The following CDH9 variants were observed in gnomAD, a reference collection of about 807,000 sequenced individuals.
CDH9 encodes the protein cadherin 9.
In CDH9, 28 loss-of-function variants were observed where a neutral mutation model predicts 70.9. That is an observed-to-expected ratio of 0.40 (90% CI 0.29 to 0.54). The LOEUF is 0.54. CDH9 is among the 20% of genes least tolerant of loss of function. The probability of loss-of-function intolerance (pLI) is 0.59; values close to 1 mark genes in which losing one functional copy is unlikely to be tolerated. For synonymous variants in CDH9, 409 were observed against 343.1 expected, an observed-to-expected ratio of 1.19 and a Z score of -2.12; for missense variants, 874 against 984.4, an observed-to-expected ratio of 0.89 and a Z score of 1.50.
At chr5:27,007,764 A>G (rs747496772) in intron 1 of CDH9, among the ~76,000 whole-genome samples, 13 of 152,144 alleles carry the variant, frequency 8.5e-5, no homozygotes, top group Non-Finnish European at 1.5e-4. Context: ...ATTTCAAACA[A>G]GTAATACACA....
intron 1 of CDH9, among the ~76,000 whole-genome samples, chr5:27,018,179 G>C (rs534344734): frequency 2.0e-5 from 3 of 151,516 alleles, no homozygotes; most frequent in Non-Finnish European, 3.0e-5. Flanking sequence ...CATAAACTTT[G>C]GTAACCCCAA....
chr5:26,987,783 A>T (rs551591682), intron 2 of CDH9, among the ~76,000 whole-genome samples: 1 of 152,204 alleles, frequency 6.6e-6, no homozygotes, highest in East Asian at 1.9e-4. Flanking sequence ...ACTATTCCTA[A>T]TTATGAAAAA....
chr5:26,996,088 T>A (rs931093480), intron 1 of CDH9, among the ~76,000 whole-genome samples: 1 of 152,006 alleles, frequency 6.6e-6, no homozygotes, highest in Non-Finnish European at 1.5e-5. Context: ...ATGTGCTTTC[T>A]CCTCTCTATA....
At chr5:26,941,239 C>G (rs1158124899) in intron 2 of CDH9, among the ~76,000 whole-genome samples, 1 of 152,140 alleles carries the variant, frequency 6.6e-6, no homozygotes, top group East Asian at 1.9e-4. Context: ...TATTAGTGTT[C>G]CATGAGATGA....
At chr5:26,905,132 C>T (rs1035371730) in intron 5 of CDH9, among the ~76,000 whole-genome samples, 4 of 151,950 alleles carry the variant, frequency 2.6e-5, no homozygotes, top group African/African-American at 9.7e-5. Flanking sequence ...TTGAGATTAG[C>T]GATATGAATT....
intron 2 of CDH9, among the ~76,000 whole-genome samples, chr5:26,922,040 AGAG>A (rs905277123): frequency 3.5e-5 from 5 of 144,734 alleles, no homozygotes; most frequent in African/African-American, 1.3e-4. Flanking sequence ...AAAAAAAAAA[AGAG>A]AGAGAGAGAA....
intron 1 of CDH9, among the ~76,000 whole-genome samples, chr5:26,996,420 T>C (rs1742666432): frequency 6.6e-6 from 1 of 152,086 alleles, no homozygotes; most frequent in African/African-American, 2.4e-5. Context: ...TTGGAAAATG[T>C]CATACATATG....
chr5:26,999,747 T>A (rs551190817), intron 1 of CDH9, among the ~76,000 whole-genome samples: 1 of 152,296 alleles, frequency 6.6e-6, no homozygotes, highest in African/African-American at 2.4e-5. Flanking sequence ...AAATGGATCC[T>A]AGATATAAAT....
Position 26,985,806 on chromosome 5 carries a change from G to A in CDH9, c.228+2300C>T, listed in dbSNP as rs948095956. 4.6e-5 allele frequency among the ~76,000 whole-genome samples: 7 copies of A among 152,112 alleles called. No individual in the cohort carries two copies. In the East Asian group the frequency reaches 1.4e-3, roughly 29 times the overall value. ...TACCCAGGGAGACCAGAAACACTGT[G>A]GTCAAAAAGACAATCTGTGAGGTGC... On this transcript the variant is annotated intron_variant, in intron 2 of 11. Coordinates refer to ENST00000231021, the MANE Select transcript of CDH9 (RefSeq NM_016279.4).
In CDH9 at chr5:26,898,123, G is replaced by A. The variant is rs141236664; in HGVS notation, c.1253+4353C>T. Among the ~76,000 whole-genome samples the A allele has an allele frequency of 9.9e-3, 1,511 of 152,192 alleles. 58 individuals carry two copies. In the East Asian group the frequency reaches 0.11, roughly 11 times the overall value. On this transcript the variant is annotated intron_variant, in intron 7 of 11. Transcript: ENST00000231021. ...TAGGAATAAAGCTTACAAGGGATGT[G>A]AAGTACCTCTTCAAGGAGAACTACA...
At position 26,906,164 on chromosome 5, in the gene CDH9, C is replaced by T. The variant is rs376504959; in HGVS notation, c.644-38G>A. ...GCAGACAAAAGTTTTGCAATTAAAT[C>T]GCTGAGTTTTAAAATTAAGCTAGAC... On this transcript the variant is annotated intron_variant, in intron 4 of 11. Transcript: ENST00000231021. The T allele has an allele frequency of 6.4e-6, 10 of 1,562,674 alleles. No homozygotes were observed. In the African/African-American group the frequency reaches 8.2e-5, roughly 13 times the overall value.
At chr5:26,921,309 G>A (rs1282633452) in intron 2 of CDH9, among the ~76,000 whole-genome samples, 1 of 152,132 alleles carries the variant, frequency 6.6e-6, no homozygotes, top group Admixed American at 6.6e-5. Context: ...ATAAGGAAGA[G>A]AAGAGGGCAA....
At chr5:27,016,820 G>A (rs183833790) in intron 1 of CDH9, among the ~76,000 whole-genome samples, 1 of 151,898 alleles carries the variant, frequency 6.6e-6, no homozygotes, top group East Asian at 1.9e-4. Flanking sequence ...AGAGCACGTT[G>A]TTTCTTGATC....
intron 1 of CDH9, among the ~76,000 whole-genome samples, chr5:27,033,465 TAGATAGACAGAC>T (rs1352474445): frequency 1.7e-5 from 2 of 116,656 alleles, no homozygotes; most frequent in South Asian, 4.5e-4. Flanking sequence ...TATAAAGACA[TAGATAGACAGAC>T]AGATAGACAG....
At chr5:26,961,598 A>G (rs969916356) in intron 2 of CDH9, among the ~76,000 whole-genome samples, 1 of 152,148 alleles carries the variant, frequency 6.6e-6, no homozygotes, top group African/African-American at 2.4e-5. Context: ...ACTTTTCCTC[A>G]TCTTGGTTGT....
At chr5:26,993,047 G>A (rs1742606788) in intron 1 of CDH9, among the ~76,000 whole-genome samples, 1 of 144,016 alleles carries the variant, frequency 6.9e-6, no homozygotes, top group Admixed American at 7.2e-5. Context: ...AGTGAGCCCA[G>A]ATCAGACTGC....
In CDH9 at chr5:26,923,421, A is replaced by C. The variant is rs539376242; in HGVS notation, c.229-7497T>G. Among the ~76,000 whole-genome samples, 12 of 152,140 alleles carry C rather than the reference A, an allele frequency of 7.9e-5. No homozygotes were observed. The South Asian group carries it at 2.1e-3, about 26-fold the overall frequency. ...AAAACCTTAGCACACCTATATATAC[A>C]AAGCAAACATTATTAGAGCTAAAGG... is the stretch of plus-strand genomic sequence containing the variant. On this transcript the variant is annotated intron_variant, in intron 2 of 11. Transcript: ENST00000231021.
chr5:27,012,422 A>G (rs1742974896), intron 1 of CDH9, among the ~76,000 whole-genome samples: 2 of 151,964 alleles, frequency 1.3e-5, no homozygotes, highest in African/African-American at 4.8e-5. Flanking sequence ...TTCAGTCTAT[A>G]TGTATGAAAA....
intron 2 of CDH9, among the ~76,000 whole-genome samples, chr5:26,961,382 C>A (rs544822229): frequency 6.6e-6 from 1 of 151,964 alleles, no homozygotes; most frequent in Non-Finnish European, 1.5e-5. Context: ...ATTTTGTATT[C>A]TTGGGCCAAC....
Sources: gnomAD v4.1 joint callset for allele counts (sites outside exome capture counted in the v4.1 genomes callset) on GRCh38, gnomAD v4.1.1 for gene constraint, MANE v1.5 for transcripts, NCBI Gene and HGNC (gene_info 2026-07-23, HGNC 2026-07-21) for gene names.